Variants in TMEM114 observed in about 807,000 individuals in gnomAD.
TMEM114 encodes the protein transmembrane protein 114.
In TMEM114, 6 loss-of-function variants were observed where a neutral mutation model predicts 6.2. The ratio of observed to expected loss-of-function variants is 0.97; its 90% CI spans 0.53 to 1.91. The LOEUF is 1.91. TMEM114 is among the 40% of genes most tolerant of loss of function. The pLI is 0.01. For synonymous variants in TMEM114, 104 were observed against 73.0 expected (o/e 1.42, Z -2.16); for missense variants, 218 against 158.3 (o/e 1.38, Z -2.02).
chr16:8,544,912 C>T (rs1428159563), intron 2 of TMEM114, among the ~76,000 whole-genome samples: 2 of 145,712 alleles, frequency 1.4e-5, no homozygotes, highest in Non-Finnish European at 3.0e-5. Context: ...CTCTTCTCCT[C>T]AACATCTTTC....
intron 2 of TMEM114, among the ~76,000 whole-genome samples, chr16:8,543,869 C>G (rs562039983): frequency 6.6e-6 from 1 of 152,162 alleles, no homozygotes; most frequent in Admixed American, 6.5e-5. Flanking sequence ...AGTAACCTAA[C>G]GCTTTGTCAA....
downstream of TMEM114, among the ~76,000 whole-genome samples, chr16:8,534,067 A>C (rs1900286547): frequency 1.3e-5 from 2 of 151,898 alleles, no homozygotes; most frequent in African/African-American, 4.8e-5. Context: ...TCCCTGCAAA[A>C]CTCTAGCCCT....
chr16:8,570,105 C>G, intron 3 of TMEM114, 100 bp from the exon 4 acceptor site: 3 of 1,425,700 alleles, frequency 2.1e-6, no homozygotes, highest in Non-Finnish European at 2.8e-6. Flanking sequence ...CAGCGTCCAG[C>G]GTCCTCGCTC....
intron 2 of TMEM114, among the ~76,000 whole-genome samples, chr16:8,555,552 C>A (rs1043916438): frequency 1.3e-5 from 2 of 152,160 alleles, no homozygotes; most frequent in African/African-American, 4.8e-5. Flanking sequence ...ACTGTCATGG[C>A]GCTGGTAGAT....
the TMEM114 span, among the ~76,000 whole-genome samples, chr16:8,527,374 T>C: frequency 3.9e-5 from 6 of 152,224 alleles, no homozygotes; most frequent in African/African-American, 1.4e-4. Context: ...ATTCAAATCC[T>C]GCCTCTGCCT....
At chr16:8,578,137 C>T (rs780623970) in intron 2 of TMEM114, among the ~76,000 whole-genome samples, 13 of 151,946 alleles carry the variant, frequency 8.6e-5, no homozygotes, top group Non-Finnish European at 1.9e-4. Flanking sequence ...TGGGCAGTGG[C>T]GGTGGGGGGG....
intron 2 of TMEM114, among the ~76,000 whole-genome samples, chr16:8,574,516 ATG>A (rs1169568752): frequency 6.6e-6 from 1 of 151,994 alleles, no homozygotes; most frequent in East Asian, 1.9e-4. Context: ...CTGTGATAAA[ATG>A]TGATTACAGG....
At chr16:8,578,419 G>T (rs989565830) in intron 2 of TMEM114, among the ~76,000 whole-genome samples, 2 of 152,062 alleles carry the variant, frequency 1.3e-5, no homozygotes, top group African/African-American at 2.4e-5. Flanking sequence ...CCATCCACAC[G>T]TGGCCACCTT....
At chr16:8,549,942 G>A (rs1025208082) in intron 2 of TMEM114, among the ~76,000 whole-genome samples, 13 of 152,162 alleles carry the variant, frequency 8.5e-5, no homozygotes, top group East Asian at 3.8e-4. Context: ...GGCTCAGTCC[G>A]AGTCCCAAAA....
chr16:8,575,769 C>T (rs1013891249), intron 2 of TMEM114, among the ~76,000 whole-genome samples: 26 of 152,188 alleles, frequency 1.7e-4, no homozygotes, highest in African/African-American at 6.3e-4. Context: ...ACATCATAAA[C>T]CTAATACAAG....
chr16:8,585,738 C>T (rs369287215), intron 2 of TMEM114, among the ~76,000 whole-genome samples: 6 of 152,166 alleles, frequency 3.9e-5, no homozygotes, highest in African/African-American at 1.4e-4. Context: ...GCAGCTACCA[C>T]TTACAGCACA....
At chr16:8,565,281 T>G (rs553453771), downstream of TMEM114, among the ~76,000 whole-genome samples, 4 of 152,168 alleles carry the variant, frequency 2.6e-5, no homozygotes, top group Non-Finnish European at 5.9e-5. Flanking sequence ...GAACAAAGAC[T>G]GAATGCGTGC....
At chr16:8,560,527 G>C (rs910447920) in intron 2 of TMEM114, among the ~76,000 whole-genome samples, 50 of 152,192 alleles carry the variant, frequency 3.3e-4, no homozygotes, top group African/African-American at 1.2e-3. Flanking sequence ...CTTCCTGCTG[G>C]CTCCAAAAGG....
At chr16:8,557,121 G>A (rs1331048399) in intron 2 of TMEM114, among the ~76,000 whole-genome samples, 1 of 152,150 alleles carries the variant, frequency 6.6e-6, no homozygotes, top group Non-Finnish European at 1.5e-5. Context: ...AATCCCCCAT[G>A]CCCTTGTTAG....
rs1901758234 is a variant in TMEM114 at position 8,572,218 on chromosome 16, T to C, written c.308A>G (p.His103Arg). The C allele has an allele frequency of 1.9e-6, 3 of 1,551,672 alleles. No homozygotes were observed. Among genetic ancestry groups the C allele is most frequent in the Non-Finnish European group, 2.6e-6 (3 of 1,146,984 alleles). ...SESSRQLLTM[H>R]GTFVILLPLS... ...CGGCAGCAGAATCACAAATGTCCCATGCATGGCTTAGAAGAGACAGAGAGG... is the reference window on the plus strand; with the variant it reads ...CGGCAGCAGAATCACAAATGTCCCACGCATGGCTTAGAAGAGACAGAGAGG... Residue 103 changes from histidine (H) to arginine (R), a missense_variant, in exon 3 of 4, where the codon CAT (histidine) becomes CGT (arginine). His to Arg is a conservative substitution (Grantham distance 29). Coordinates refer to ENST00000620492, the MANE Select transcript of TMEM114 (RefSeq NM_001146336.2).
chr16:8,561,041 C>T (rs1901182836), intron 2 of TMEM114, among the ~76,000 whole-genome samples: 1 of 152,230 alleles, frequency 6.6e-6, no homozygotes, highest in East Asian at 1.9e-4. Flanking sequence ...TTTCTTAAGA[C>T]TTATTCGCTA....
chr16:8,554,790 A>T lies in TMEM114; in HGVS notation n.213-16964T>A, dbSNP rs186517781. Among the ~76,000 whole-genome samples the T allele has an allele frequency of 1.1e-3, 161 of 152,346 alleles. 3 individuals are homozygous for T. Among genetic ancestry groups the T allele is most frequent in the Middle Eastern group, 0.01 (3 of 294 alleles). On this transcript the variant is annotated intron_variant and non_coding_transcript_variant, in intron 2 of 2. Coordinates refer to the TMEM114 transcript ENST00000623677. ...CTACGTACTTTGCCTGCTGTAACTT[A>T]TGCAACGGCCACAACAACCCTGAGG...
chr16:8,570,423 C>G (rs1901696231), intron 3 of TMEM114, among the ~76,000 whole-genome samples: 1 of 152,164 alleles, frequency 6.6e-6, no homozygotes, highest in Non-Finnish European at 1.5e-5. Flanking sequence ...CCTCCACCTC[C>G]CGGGTTCAAG....
intron 2 of TMEM114, among the ~76,000 whole-genome samples, chr16:8,551,102 G>A (rs7193667): frequency 0.45 from 67,729 of 152,032 alleles, 15,827 homozygotes; most frequent in African/African-American, 0.57. Context: ...CCCAGGAAAC[G>A]TGCTGCGGTC....
Sources: gnomAD v4.1 joint callset for allele counts (sites outside exome capture counted in the v4.1 genomes callset) on GRCh38, gnomAD v4.1.1 for gene constraint, MANE v1.5 for transcripts, NCBI Gene and HGNC (gene_info 2026-07-23, HGNC 2026-07-21) for gene names.